VPS35L: variants seen among roughly 807,000 people sequenced by gnomAD.
VPS35L encodes VPS35 endosomal protein sorting factor like.
In VPS35L, 83 loss-of-function variants were observed where a neutral mutation model predicts 133.0. That is an observed-to-expected ratio of 0.62 (90% confidence interval 0.52 to 0.75). The LOEUF (loss-of-function observed/expected upper bound fraction) is 0.75. Ranked by LOEUF, VPS35L falls within the 30% of genes least tolerant of loss-of-function variation. VPS35L has a pLI of 0.00. For synonymous variants in VPS35L, 423 were observed against 449.9 expected, an observed-to-expected ratio of 0.94 and a Z score of 0.76; for missense variants, 1,083 against 1,206.8, an observed-to-expected ratio of 0.90 and a Z score of 1.52.
At position 19,569,532 on chromosome 16, in the gene VPS35L, A is replaced by T; in HGVS notation, c.226A>T (p.Thr76Ser). Residue 76 changes from threonine (T) to serine (S), a missense_variant, in exon 3 of 31, where the codon ACT (threonine) becomes TCT (serine). Coordinates refer to ENST00000417362, the MANE Select transcript of VPS35L (RefSeq NM_020314.7). ...CCCGCTGAGCAGCGTCCTCGATGGG[A>T]CTGACCCCCTCTCCATGTTTGCAGC... is the stretch of plus-strand genomic sequence containing the variant. ...VDPLSSVLDGTDPLSMFAATA... is the reference protein window; with the variant it reads ...VDPLSSVLDGSDPLSMFAATA... 1 of 1,604,888 alleles carries T rather than the reference A, an allele frequency of 6.2e-7. No individual in the cohort carries two copies. The highest frequency in any genetic ancestry group is 8.5e-7 in the Non-Finnish European group (1 of 1,175,764).
chr16:19,669,022 A>G (rs1974786422), intron 26 of VPS35L, 138 bp from the exon 27 acceptor site: 1 of 735,578 alleles, frequency 1.4e-6, no homozygotes, highest in African/African-American at 1.8e-5. Context: ...GTTTGCAGAA[A>G]CCTTCTGCTA....
chr16:19,697,521 A>G (rs1975957204), intron 29 of VPS35L, among the ~76,000 whole-genome samples: 1 of 151,722 alleles, frequency 6.6e-6, no homozygotes, highest in Non-Finnish European at 1.5e-5. Context: ...TCTTTTCACT[A>G]AAAGACTTTA....
chr16:19,570,868 T>G (rs930093932), intron 3 of VPS35L, among the ~76,000 whole-genome samples: 3 of 85,412 alleles, frequency 3.5e-5, no homozygotes, highest in Non-Finnish European at 6.4e-5. Flanking sequence ...TATATATATA[T>G]ATATATATAT....
At position 19,591,880 on chromosome 16, in the gene VPS35L, T is replaced by G; in HGVS notation, c.724+6T>G. The G allele has an allele frequency of 6.3e-7, 1 of 1,580,634 alleles. No homozygotes were observed. Among genetic ancestry groups the G allele is most frequent in the Non-Finnish European group, 8.7e-7 (1 of 1,149,544 alleles). The stretch of plus-strand genomic sequence containing the variant: ...CGACATACTTGATACATTTGGTAAG[T>G]ACCTGTCATATGCATCTTAGATCTA... On this transcript the variant is annotated splice_donor_region_variant and intron_variant, in intron 8 of 30. Coordinates refer to ENST00000417362, the MANE Select transcript of VPS35L (RefSeq NM_020314.7).
At chr16:19,575,186 A>C in intron 5 of VPS35L, 64 bp downstream of exon 5, 2 of 1,487,756 alleles carry the variant, frequency 1.3e-6, no homozygotes, top group Non-Finnish European at 1.9e-6. Context: ...ATAATTTTAC[A>C]AAGGAAAAAA....
intron 7 of VPS35L, among the ~76,000 whole-genome samples, chr16:19,591,323 C>G (rs1972035993): frequency 6.6e-6 from 1 of 152,186 alleles, no homozygotes; most frequent in Non-Finnish European, 1.5e-5. Flanking sequence ...AGATGTCATT[C>G]ACTTCTCTCA....
intron 27 of VPS35L, among the ~76,000 whole-genome samples, chr16:19,681,872 A>C (rs1226278821): frequency 9.5e-6 from 1 of 104,928 alleles, no homozygotes; most frequent in Non-Finnish European, 1.8e-5. Context: ...TGGTTGGAAC[A>C]GGGCTTCCTT....
chr16:19,677,383 G>T (rs1746245771), intron 27 of VPS35L, among the ~76,000 whole-genome samples: 1 of 152,106 alleles, frequency 6.6e-6, no homozygotes, highest in Non-Finnish European at 1.5e-5. Context: ...CGTCCAGCAA[G>T]AAAAAGTTTT....
intron 28 of VPS35L, among the ~76,000 whole-genome samples, chr16:19,685,564 C>G (rs1229447718): frequency 1.3e-5 from 2 of 152,164 alleles, no homozygotes; most frequent in Non-Finnish European, 2.9e-5. Flanking sequence ...GTTGCTGGCT[C>G]ATAGGATCTG....
At chr16:19,572,204 G>A (rs1435600574) in intron 3 of VPS35L, among the ~76,000 whole-genome samples, 1 of 152,138 alleles carries the variant, frequency 6.6e-6, no homozygotes, top group Non-Finnish European at 1.5e-5. Flanking sequence ...CGGATCATGA[G>A]GTCAGGAATT....
intron 7 of VPS35L, 126 bp downstream of exon 7, chr16:19,581,779 T>C: frequency 1.8e-6 from 2 of 1,120,470 alleles, no homozygotes; most frequent in South Asian, 1.5e-5. Flanking sequence ...TTCTTTTTCA[T>C]ATACTTCCTG....
At position 19,562,990 on chromosome 16, in the gene VPS35L, C is replaced by T. The variant is rs537510020; in HGVS notation, c.18-1861C>T. Reference sequence around the variant, plus strand: ...ATGTTGCTCAGGCTGGTTTCAAACTCCTGGGCTCAAGCAGTCCACCCATCT... The same window carrying T: ...ATGTTGCTCAGGCTGGTTTCAAACTTCTGGGCTCAAGCAGTCCACCCATCT... On this transcript the variant is annotated intron_variant, in intron 1 of 30. Coordinates refer to ENST00000417362, the MANE Select transcript of VPS35L (RefSeq NM_020314.7). Among the ~76,000 whole-genome samples, 46 of 152,132 alleles carry T rather than the reference C, an allele frequency of 3.0e-4. 3 individuals are homozygous for T. The South Asian group carries it at 8.7e-3, about 29-fold the overall frequency.
chr16:19,571,863 A>C (rs1308063463), intron 3 of VPS35L, among the ~76,000 whole-genome samples: 1 of 139,836 alleles, frequency 7.2e-6, no homozygotes, highest in East Asian at 2.1e-4. Context: ...TTTTTTTTTT[A>C]ACTTGACCAT....
intron 28 of VPS35L, among the ~76,000 whole-genome samples, chr16:19,687,069 G>C (rs549586709): frequency 6.6e-6 from 1 of 152,168 alleles, no homozygotes; most frequent in Non-Finnish European, 1.5e-5. Context: ...TGTGACCTCT[G>C]TGTCTGTGAG....
At position 19,700,544 on chromosome 16, in the gene VPS35L, G is replaced by C; in HGVS notation, c.*68G>C. 7.8e-7 allele frequency: 1 copy of C among 1,287,168 alleles called. No individual in the cohort carries two copies. The highest frequency in any genetic ancestry group is 1.1e-6 in the Non-Finnish European group (1 of 895,958). The allele number at this position is 1,287,168 out of a possible 1,614,324, so 79.7% of individuals were successfully genotyped here. A position where few individuals can be genotyped will look rare whatever the true frequency, so the allele number is the denominator to read the frequency against. On this transcript the variant is annotated 3_prime_UTR_variant, in exon 31 of 31. Coordinates refer to ENST00000417362, the MANE Select transcript of VPS35L (RefSeq NM_020314.7). ...CCAGAAAGATCTGCTCTGCTGCCCTGAACTCTTACGGCAATTTAGGTTTCT... is the reference window on the plus strand; with the variant it reads ...CCAGAAAGATCTGCTCTGCTGCCCTCAACTCTTACGGCAATTTAGGTTTCT...
At chr16:19,601,908 G>A (rs1482050059) in intron 9 of VPS35L, among the ~76,000 whole-genome samples, 185 bp downstream of exon 9, 1 of 152,110 alleles carries the variant, frequency 6.6e-6, no homozygotes, top group Non-Finnish European at 1.5e-5. Flanking sequence ...GTTTCTAAAT[G>A]GCCCGTGTAG....
intron 27 of VPS35L, 99 bp from the exon 28 acceptor site, chr16:19,682,126 A>G: frequency 7.4e-7 from 1 of 1,343,332 alleles, no homozygotes; most frequent in Non-Finnish European, 1.0e-6. Flanking sequence ...TAATTTCTCT[A>G]CAGCTGCTGC....
chr16:19,579,003 T>G, intron 5 of VPS35L, 49 bp from the exon 6 acceptor site: 1 of 1,490,692 alleles, frequency 6.7e-7, no homozygotes, highest in Non-Finnish European at 9.3e-7. Context: ...ACTGGGGGTA[T>G]TGGTGCACGA....
chr16:19,693,698 C>T (rs977364442), intron 29 of VPS35L, among the ~76,000 whole-genome samples: 6 of 151,258 alleles, frequency 4.0e-5, no homozygotes, highest in Non-Finnish European at 5.9e-5. Flanking sequence ...GCAGAAGAAT[C>T]GCTTAAACCC....
Sources: allele counts gnomAD v4.1 joint callset (sites outside exome capture counted in the v4.1 genomes callset), GRCh38; gene constraint gnomAD v4.1.1; transcripts MANE v1.5; gene names NCBI Gene and HGNC (gene_info 2026-07-23, HGNC 2026-07-21).